The following TOX2 variants were observed in gnomAD, a reference collection of about 807,000 sequenced individuals.
TOX2 encodes TOX high mobility group box family member 2.
Under a neutral mutation model 47.4 loss-of-function variants are expected in TOX2, and 15 were observed. That is an observed-to-expected ratio of 0.32 (90% CI 0.21 to 0.49). The LOEUF (loss-of-function observed/expected upper bound fraction) is 0.49. Ranked by LOEUF, TOX2 falls within the 20% of genes least tolerant of loss-of-function variation. TOX2 has a pLI of 0.99. For synonymous variants in TOX2, 290 were observed against 296.6 expected, an observed-to-expected ratio of 0.98 and a Z score of 0.23; for missense variants, 622 against 673.1, an observed-to-expected ratio of 0.92 and a Z score of 0.84.
intron 2 of TOX2, among the ~76,000 whole-genome samples, chr20:44,003,873 T>A (rs967233821): frequency 2.0e-5 from 3 of 152,128 alleles, no homozygotes. Flanking sequence ...GATCTGGGAC[T>A]GTGGACTTCA....
chr20:43,946,903 A>C (rs1182393462), intron 1 of TOX2, among the ~76,000 whole-genome samples: 1 of 152,228 alleles, frequency 6.6e-6, no homozygotes, highest in Non-Finnish European at 1.5e-5. Flanking sequence ...GATTTATCAC[A>C]GCCATTGTTG....
intron 1 of TOX2, among the ~76,000 whole-genome samples, chr20:43,951,707 G>GTTTGTTTTTTTTTTTTTTTTT (rs2069571364): frequency 6.0e-4 from 33 of 55,100 alleles, no homozygotes; most frequent in Non-Finnish European, 1.1e-3. Context: ...AACTTATTAT[G>GTTTGTTTTTTTTTTTTTTTTT]TTTTTTTTTT....
chr20:44,056,736 CAAATTGTTGAGTAT>C (rs1385512061), intron 5 of TOX2, among the ~76,000 whole-genome samples: 1 of 152,094 alleles, frequency 6.6e-6, no homozygotes. Context: ...ATTTTCCTAG[CAAATTGTTGAGTAT>C]AAAAAGTTAG....
At chr20:43,981,503 T>C (rs2070168271) in intron 2 of TOX2, among the ~76,000 whole-genome samples, 1 of 152,218 alleles carries the variant, frequency 6.6e-6, no homozygotes, top group South Asian at 2.1e-4. Flanking sequence ...GCGTTGTACA[T>C]GCATGTACCT....
chr20:43,935,099 G>A (rs2069307804), intron 1 of TOX2, among the ~76,000 whole-genome samples: 1 of 152,124 alleles, frequency 6.6e-6, no homozygotes, highest in Admixed American at 6.5e-5. Flanking sequence ...TGCCTTGGGG[G>A]TGAATGGAGG....
intron 1 of TOX2, among the ~76,000 whole-genome samples, chr20:43,955,723 CT>C (rs1298748987): frequency 4.6e-5 from 7 of 152,220 alleles, no homozygotes; most frequent in Non-Finnish European, 1.0e-4. Context: ...GGCTCCAAAC[CT>C]GCTTCTCATT....
At chr20:44,050,883 G>A (rs2071497309) in intron 3 of TOX2, among the ~76,000 whole-genome samples, 2 of 152,190 alleles carry the variant, frequency 1.3e-5, no homozygotes, top group Admixed American at 1.3e-4. Flanking sequence ...TAGAATGGCA[G>A]GACCAGGATT....
chr20:43,936,515 G>A (rs1210513045), intron 1 of TOX2, among the ~76,000 whole-genome samples: 1 of 152,220 alleles, frequency 6.6e-6, no homozygotes, highest in Non-Finnish European at 1.5e-5. Context: ...ATCATGGTCA[G>A]TTGGCCAGTG....
At chr20:44,031,410 G>A (rs987275373) in intron 3 of TOX2, among the ~76,000 whole-genome samples, 8 of 152,204 alleles carry the variant, frequency 5.3e-5, no homozygotes, top group African/African-American at 1.4e-4. Flanking sequence ...GTGGGTGAGC[G>A]CATTAGTAGC....
At chr20:44,035,482 G>T (rs906843006) in intron 3 of TOX2, among the ~76,000 whole-genome samples, 17 of 151,196 alleles carry the variant, frequency 1.1e-4, no homozygotes, top group Admixed American at 3.3e-4. Flanking sequence ...CTGCAGACTA[G>T]GTGGGAAGGT....
In TOX2 at chr20:43,916,165, C is replaced by G. The variant is rs1341364271; in HGVS notation, c.99+1175C>G. ...CGGATTGAACAGCGCGCGTGGGTTT[C>G]CCGCAGCCCTGGCGCAGACGCGTGG... On this transcript the variant is annotated intron_variant, in intron 1 of 8. Transcript: ENST00000341197. The surrounding 1 kb of genome is among the most constrained non-coding windows in gnomAD (Gnocchi z 5.0). The G allele has an allele frequency of 2.0e-6, 2 of 985,408 alleles. No homozygotes were observed. Among genetic ancestry groups the G allele is most frequent in the Non-Finnish European group, 2.4e-6 (2 of 829,976 alleles). The allele number at this position is 985,408 out of a possible 1,614,324, so 61.0% of individuals were successfully genotyped here. A position where few individuals can be genotyped will look rare whatever the true frequency, so the allele number is the denominator to read the frequency against.
chr20:44,059,829 AAAT>A (rs2071684769), intron 5 of TOX2, among the ~76,000 whole-genome samples: 1 of 152,200 alleles, frequency 6.6e-6, no homozygotes, highest in Admixed American at 6.6e-5. Flanking sequence ...AGGACCTCTA[AAAT>A]AATAACACAA....
intron 2 of TOX2, among the ~76,000 whole-genome samples, chr20:43,981,094 A>C (rs1293449731): frequency 6.6e-6 from 1 of 152,266 alleles, no homozygotes; most frequent in Non-Finnish European, 1.5e-5. Context: ...AAAAGTGCTA[A>C]GAATCATTCA....
intron 5 of TOX2, among the ~76,000 whole-genome samples, chr20:44,056,839 T>TA (rs1245729720): frequency 6.6e-6 from 1 of 152,176 alleles, no homozygotes; most frequent in Admixed American, 6.5e-5. Context: ...CTTCTAGGTT[T>TA]AAAAAAAGTG....
intron 1 of TOX2, chr20:43,945,777 GT>G (rs1285371393): frequency 2.2e-5 from 28 of 1,290,270 alleles, no homozygotes; most frequent in Admixed American, 1.1e-4. Flanking sequence ...TAAATAACAG[GT>G]TTTTCCATTT....
intron 1 of TOX2, among the ~76,000 whole-genome samples, chr20:43,931,601 A>G (rs544978885): frequency 7.2e-5 from 11 of 152,290 alleles, no homozygotes; most frequent in African/African-American, 2.2e-4. Context: ...TTCAGAGGCC[A>G]TGTCTGGGTG....
At chr20:43,972,287 A>G (rs1227328088) in intron 1 of TOX2, among the ~76,000 whole-genome samples, 5 of 152,182 alleles carry the variant, frequency 3.3e-5, no homozygotes. Context: ...TCGTGTTGGT[A>G]CTAACTCTGC....
In TOX2 at chr20:43,963,156, C is replaced by T. The variant is rs144214179; in HGVS notation, c.100-10211C>T. On this transcript the variant is annotated intron_variant, in intron 1 of 8. Coordinates refer to ENST00000341197, the MANE Select transcript of TOX2 (RefSeq NM_001098797.2). ...AGGTCTAGAAAGAGCACAGTTAGAG[C>T]GAGGTAGGTGGGAGGGGGCAATGAT... 3.1e-3 allele frequency among the ~76,000 whole-genome samples: 475 copies of T among 152,024 alleles called. 4 individuals carry two copies. The highest frequency in any genetic ancestry group is 0.011 in the African/African-American group (444 of 41,456).
At chr20:43,948,392 C>G (rs1166605717) in intron 1 of TOX2, among the ~76,000 whole-genome samples, 1 of 152,224 alleles carries the variant, frequency 6.6e-6, no homozygotes, top group African/African-American at 2.4e-5. Context: ...TGCTCTTCCA[C>G]TGTGTTGGAA....
Sources: gnomAD v4.1 joint callset for allele counts (sites outside exome capture counted in the v4.1 genomes callset) on GRCh38, gnomAD v4.1.1 for gene constraint, Gnocchi (gnomAD v3.1) non-coding constraint, MANE v1.5 for transcripts, NCBI Gene and HGNC (gene_info 2026-07-23, HGNC 2026-07-21) for gene names.